The following SHANK2 variants were observed in gnomAD, a reference collection of about 807,000 sequenced individuals.
The protein encoded by SHANK2 is SH3 and multiple ankyrin repeat domains protein 2.
In SHANK2, 43 loss-of-function variants were observed where a neutral mutation model predicts 133.7. That is an observed-to-expected ratio of 0.32 (90% CI 0.25 to 0.41). SHANK2 has a LOEUF of 0.41. Ranked by LOEUF, SHANK2 falls within the 10% of genes least tolerant of loss-of-function variation. SHANK2 has a pLI of 1.00. For missense variants in SHANK2, 1,994 were observed against 2,235.8 expected (o/e 0.89, Z 2.18); for synonymous variants, 1,017 against 952.8 (o/e 1.07, Z -1.24).
intron 11 of SHANK2, among the ~76,000 whole-genome samples, chr11:70,868,368 C>T (rs1254746257): frequency 6.6e-6 from 1 of 152,176 alleles, no homozygotes; most frequent in Non-Finnish European, 1.5e-5. Context: ...TCCCAGGCCT[C>T]GGTTTCTCCA....
At chr11:71,178,685 A>ATACT (rs1953492003) in intron 2 of SHANK2, among the ~76,000 whole-genome samples, 1 of 152,180 alleles carries the variant, frequency 6.6e-6, no homozygotes, top group African/African-American at 2.4e-5. Context: ...ACAAAAAAGC[A>ATACT]TACTTAGTAT....
chr11:70,856,009 A>C (rs1555066760), intron 11 of SHANK2, among the ~76,000 whole-genome samples: 1 of 151,770 alleles, frequency 6.6e-6, no homozygotes, highest in African/African-American at 2.4e-5. Flanking sequence ...ATGGATGGAA[A>C]GACAGATGAA....
intron 17 of SHANK2, among the ~76,000 whole-genome samples, chr11:70,628,600 C>T (rs1348532874): frequency 6.6e-6 from 1 of 152,220 alleles, no homozygotes; most frequent in African/African-American, 2.4e-5. Flanking sequence ...CCATGGGAGG[C>T]AGAGCTGGCC....
intron 17 of SHANK2, among the ~76,000 whole-genome samples, chr11:70,611,332 G>A (rs2060654398): frequency 1.3e-5 from 2 of 152,208 alleles, no homozygotes; most frequent in Admixed American, 1.3e-4. Context: ...GGATGGTGAG[G>A]CGGGGCCAGC....
At chr11:71,060,365 T>G (rs951235529) in intron 9 of SHANK2, among the ~76,000 whole-genome samples, 28 of 152,318 alleles carry the variant, frequency 1.8e-4, no homozygotes, top group Admixed American at 1.4e-3. Flanking sequence ...CGTGAAGAGC[T>G]GCATCCCTAG....
intron 15 of SHANK2, among the ~76,000 whole-genome samples, chr11:70,687,805 G>C (rs1555019996): frequency 6.6e-6 from 1 of 152,214 alleles, no homozygotes; most frequent in Admixed American, 6.5e-5. Flanking sequence ...CAGGCCTCTG[G>C]GAGTGCCCTC....
intron 10 of SHANK2, among the ~76,000 whole-genome samples, chr11:70,915,098 G>A (rs1555079669): frequency 6.6e-6 from 1 of 152,110 alleles, no homozygotes; most frequent in Non-Finnish European, 1.5e-5. Context: ...GCTATTGGCT[G>A]GCAATGACTT....
At chr11:70,660,023 C>A in intron 16 of SHANK2, 71 bp from the exon 17 acceptor site, 1 of 1,603,106 alleles carries the variant, frequency 6.2e-7, no homozygotes, top group Non-Finnish European at 8.5e-7. Context: ...CTGACCTCCC[C>A]ACAGGACCCC....
intron 9 of SHANK2, among the ~76,000 whole-genome samples, chr11:71,067,379 C>T (rs1321722326): frequency 9.2e-5 from 14 of 152,202 alleles, no homozygotes; most frequent in African/African-American, 2.2e-4. Flanking sequence ...AAACTTGCTT[C>T]GCTCCTTCAT....
At chr11:70,534,868 C>T (rs922562530) in intron 17 of SHANK2, among the ~76,000 whole-genome samples, 4 of 152,108 alleles carry the variant, frequency 2.6e-5, no homozygotes, top group African/African-American at 4.8e-5. Flanking sequence ...TCTGCCTCAC[C>T]GAGAGTGCAG....
At chr11:71,162,802 G>C (rs1953047206) in intron 2 of SHANK2, among the ~76,000 whole-genome samples, 1 of 152,022 alleles carries the variant, frequency 6.6e-6, no homozygotes, top group African/African-American at 2.4e-5. Context: ...TCTGGGCGTG[G>C]TGGCTCACGC....
chr11:70,583,048 T>C lies in SHANK2; in HGVS notation c.2061+76780A>G, dbSNP rs577397593. On this transcript the variant is annotated intron_variant, in intron 17 of 25. Transcript: ENST00000601538. The stretch of plus-strand genomic sequence containing the variant: ...GCAGCTCAGCACTCTGACAGCCACA[T>C]GGAGCGGGGGACAGAGGGAAGATTG... Among the ~76,000 whole-genome samples, 9 of 152,022 alleles carry C rather than the reference T, an allele frequency of 5.9e-5. 1 individual carries two copies. The South Asian group carries it at 1.9e-3, about 32-fold the overall frequency.
intron 11 of SHANK2, among the ~76,000 whole-genome samples, chr11:70,854,565 G>A (rs988071863): frequency 6.6e-6 from 1 of 152,212 alleles, no homozygotes; most frequent in Non-Finnish European, 1.5e-5. Flanking sequence ...AGGTCCAGAG[G>A]GTGAAACACG....
intron 1 of SHANK2, among the ~76,000 whole-genome samples, chr11:71,231,755 G>A (rs1401891383): frequency 6.6e-6 from 1 of 152,180 alleles, no homozygotes; most frequent in Non-Finnish European, 1.5e-5. Flanking sequence ...TGGGCATGGT[G>A]GCATGTGCCT....
chr11:70,502,730 T>TGGGCGGGGGGGGGGGGGG, intron 18 of SHANK2, 66 bp downstream of exon 18: 5 of 772,454 alleles, frequency 6.5e-6, no homozygotes, highest in Non-Finnish European at 9.5e-6. Context: ...CCAGCTGTCC[T>TGGGCGGGGGGGGGGGGGG]GCCCGCCCCC....
rs775605200 is a variant in SHANK2 at position 70,492,595 on chromosome 11, AG to A, written c.2309-131del. 316 of 1,230,596 alleles carry A rather than the reference AG, an allele frequency of 2.6e-4. 1 individual carries two copies. Among genetic ancestry groups the A allele is most frequent in the Non-Finnish European group, 3.4e-4 (296 of 862,036 alleles). The allele number at this position is 1,230,596 out of a possible 1,614,324, so 76.2% of individuals were successfully genotyped here. The stretch of plus-strand genomic sequence containing the variant: ...GCAGGGGGCATTTGTTGCTGCTGTG[AG>A]GAGCATGCGTGTGCCTCTGCCACAT... On this transcript the variant is annotated intron_variant, in intron 21 of 25. Coordinates refer to ENST00000601538, the MANE Select transcript of SHANK2 (RefSeq NM_012309.5).
At chr11:70,550,357 C>T (rs117236918) in intron 17 of SHANK2, among the ~76,000 whole-genome samples, 3,286 of 152,290 alleles carry the variant, frequency 0.022, 48 homozygotes, top group Non-Finnish European at 0.035. Flanking sequence ...TTGGAGCAGA[C>T]GCCACCCCTC....
At chr11:71,157,707 C>A (rs1565485562) in intron 2 of SHANK2, among the ~76,000 whole-genome samples, 1 of 152,174 alleles carries the variant, frequency 6.6e-6, no homozygotes, top group Non-Finnish European at 1.5e-5. Flanking sequence ...TTTCTTAGAG[C>A]AGAATTCAAG....
At chr11:71,156,837 C>T (rs547209150) in intron 2 of SHANK2, among the ~76,000 whole-genome samples, 2 of 152,318 alleles carry the variant, frequency 1.3e-5, no homozygotes, top group Non-Finnish European at 2.9e-5. Flanking sequence ...CATAAACAAT[C>T]TCCCACAACA....
Sources: allele counts gnomAD v4.1 joint callset (sites outside exome capture counted in the v4.1 genomes callset), GRCh38; gene constraint gnomAD v4.1.1; transcripts MANE v1.5; gene names NCBI Gene and HGNC (gene_info 2026-07-23, HGNC 2026-07-21).